The following LINC00632 variants were observed in gnomAD, a reference collection of about 807,000 sequenced individuals.
LINC00632 encodes the protein ALDOA related specific transcript.
chrX:140,724,478 TACAC>T (rs199877034), intron 2 of LINC00632, among the ~76,000 whole-genome samples: 2 of 28,755 alleles, frequency 7.0e-5, no homozygotes, highest in African/African-American at 9.9e-5. Flanking sequence ...ATTCCATACA[TACAC>T]ACACACACAT....
At chrX:140,783,644 C>T (rs770637010) in exon 5 of LINC00632, 1 of 1,211,288 alleles carries the variant, frequency 8.3e-7, no homozygotes, top group East Asian at 3.0e-5. Context: ...TCAGTGTCTT[C>T]CAGAAAGAAA....
chrX:140,785,685 T>G (rs1339440908), exon 5 of LINC00632, among the ~76,000 whole-genome samples: 1 of 112,191 alleles, frequency 8.9e-6, no homozygotes, highest in Non-Finnish European at 1.9e-5. Context: ...CACTTTCTGA[T>G]ACCATTTTCA....
At chrX:140,759,289 TTTCCTTCCTTCCTTCCTTCCTTCCTTCC>T (rs796485491) in intron 3 of LINC00632, among the ~76,000 whole-genome samples, 6,371 of 79,542 alleles carry the variant, frequency 0.08, 258 homozygotes, top group Admixed American at 0.18. Context: ...TCTTTCTTTC[TTTCCTTCCTTCCTTCCTTCCTTCCTTCC>T]TTCCTTCCTT....
chrX:140,781,626 G>A (rs959288403), exon 5 of LINC00632, among the ~76,000 whole-genome samples: 1 of 111,180 alleles, frequency 9.0e-6, no homozygotes, highest in African/African-American at 3.3e-5. Flanking sequence ...TGTTCTCTAT[G>A]TGAGAACAAG....
At chrX:140,753,937 G>A (rs1370800939) in intron 3 of LINC00632, among the ~76,000 whole-genome samples, 1 of 109,674 alleles carries the variant, frequency 9.1e-6, no homozygotes, top group Non-Finnish European at 1.9e-5. Context: ...CACCACGCCC[G>A]GCTAATTTTT....
intron 3 of LINC00632, among the ~76,000 whole-genome samples, chrX:140,756,696 T>C (rs76930542): frequency 8.9e-6 from 1 of 112,353 alleles, no homozygotes; most frequent in Non-Finnish European, 1.9e-5. Flanking sequence ...CACAATGTCA[T>C]TATTTTCAAT....
intron 3 of LINC00632, among the ~76,000 whole-genome samples, chrX:140,768,560 T>C (rs1329746252): frequency 1.0e-5 from 1 of 99,753 alleles, no homozygotes; most frequent in Admixed American, 1.2e-4. Flanking sequence ...TACTATATTA[T>C]ATATTTATTA....
chrX:140,756,773 A>G (rs1376830104), intron 3 of LINC00632, among the ~76,000 whole-genome samples: 1 of 111,870 alleles, frequency 8.9e-6, no homozygotes, highest in Non-Finnish European at 1.9e-5. Context: ...AAATCCAAGA[A>G]ACATTTTTTT....
intron 3 of LINC00632, among the ~76,000 whole-genome samples, chrX:140,749,663 G>A (rs1375922059): frequency 9.0e-6 from 1 of 110,698 alleles, no homozygotes; most frequent in African/African-American, 3.3e-5. Flanking sequence ...TTTAAGTTTT[G>A]CAGTTTTAAT....
chrX:140,718,736 A>G (rs1930680691), intron 2 of LINC00632, among the ~76,000 whole-genome samples: 1 of 111,977 alleles, frequency 8.9e-6, no homozygotes, highest in African/African-American at 3.2e-5. Context: ...CGTAACGCCT[A>G]GAAGCATCTA....
chrX:140,775,948 G>A (rs921450007), exon 5 of LINC00632, among the ~76,000 whole-genome samples: 1 of 111,161 alleles, frequency 9.0e-6, no homozygotes, highest in African/African-American at 3.3e-5. Context: ...AAGTTTAAAA[G>A]GGCTTCTGCA....
At chrX:140,784,523 C>T in exon 5 of LINC00632, 1 of 611,297 alleles carries the variant, frequency 1.6e-6, no homozygotes, top group South Asian at 2.9e-5. Flanking sequence ...CTTCCAGCAT[C>T]TCTGTGTCTT....
At chrX:140,717,429 T>A (rs1930653260) in intron 2 of LINC00632, among the ~76,000 whole-genome samples, 1 of 110,696 alleles carries the variant, frequency 9.0e-6, no homozygotes, top group African/African-American at 3.3e-5. Context: ...AATACCTAGA[T>A]AAGTCCTAAC....
intron 3 of LINC00632, among the ~76,000 whole-genome samples, chrX:140,759,334 TTCCTTCCTTC>T (rs1569354239): frequency 2.3e-4 from 13 of 57,018 alleles, no homozygotes; most frequent in African/African-American, 6.2e-4. Context: ...CCTTCCTTCC[TTCCTTCCTTC>T]CTTTCTTTCT....
chrX:140,755,640 T>C (rs1450466273), intron 3 of LINC00632, among the ~76,000 whole-genome samples: 3 of 112,328 alleles, frequency 2.7e-5, no homozygotes, highest in Non-Finnish European at 1.9e-5. Context: ...CTTGTGAAAG[T>C]ATATGCTTAC....
chrX:140,709,901 T>G, intron 1 of LINC00632: 2 of 290,230 alleles, frequency 6.9e-6, no homozygotes, highest in Middle Eastern at 6.2e-4. Context: ...TGCAAAATTG[T>G]GTAGGAATCT....
intron 2 of LINC00632, chrX:140,711,687 A>C: frequency 3.7e-6 from 1 of 269,379 alleles, no homozygotes; most frequent in Non-Finnish European, 7.4e-6. Flanking sequence ...TCTTCCCCCC[A>C]ACACCTATCA....
chrX:140,730,008 C>T (rs1931032145), intron 2 of LINC00632, among the ~76,000 whole-genome samples: 1 of 108,542 alleles, frequency 9.2e-6, no homozygotes, highest in African/African-American at 3.4e-5. Context: ...TCCCCAGTAG[C>T]TGAGACTACA....
intron 2 of LINC00632, chrX:140,713,678 A>C (rs1461099372): frequency 2.9e-6 from 1 of 342,027 alleles, no homozygotes; most frequent in Non-Finnish European, 5.9e-6. Flanking sequence ...GACATATCCA[A>C]AGGCACACCG....
Sources: gnomAD v4.1 joint callset for allele counts (sites outside exome capture counted in the v4.1 genomes callset) on GRCh38, gnomAD v4.1.1 for gene constraint, MANE v1.5 for transcripts, NCBI Gene and HGNC (gene_info 2026-07-23, HGNC 2026-07-21) for gene names.